Variants in ST8SIA6 observed in about 807,000 individuals in gnomAD.
The protein encoded by ST8SIA6 is ST8 alpha-N-acetyl-neuraminide alpha-2,8-sialyltransferase 6.
A neutral mutation model predicts 33.6 loss-of-function variants in ST8SIA6; 39 were observed. The ratio of observed to expected loss-of-function variants is 1.16; its 90% confidence interval spans 0.90 to 1.52. The LOEUF (loss-of-function observed/expected upper bound fraction) is 1.52, where lower values mean the gene tolerates loss of function less well. ST8SIA6 is among the 40% of genes most tolerant of loss of function. The pLI is 0.00. For missense variants in ST8SIA6, 441 were observed against 443.8 expected (o/e 0.99, Z 0.06); for synonymous variants, 172 against 167.2 (o/e 1.03, Z -0.22).
At chr10:17,448,622 G>A (rs574183010) in intron 2 of ST8SIA6, among the ~76,000 whole-genome samples, 1 of 149,764 alleles carries the variant, frequency 6.7e-6, no homozygotes, top group Non-Finnish European at 1.5e-5. Context: ...TGTTGTTGTT[G>A]TTGTTGTTTT....
In ST8SIA6 at chr10:17,316,078, G is replaced by A. The variant is rs1847766454; in HGVS notation, c.*4800C>T. ...ATGTAGTAGTAAGAATATCATATGTGAGTATAAGAATATATATGTCAAAGG... is the reference window on the plus strand; with the variant it reads ...ATGTAGTAGTAAGAATATCATATGTAAGTATAAGAATATATATGTCAAAGG... On this transcript the variant is annotated 3_prime_UTR_variant, in exon 8 of 8. Transcript: ENST00000377602. Among the ~76,000 whole-genome samples, 1 of 151,922 alleles carries A rather than the reference G, an allele frequency of 6.6e-6. No individual in the cohort carries two copies.
intron 2 of ST8SIA6, among the ~76,000 whole-genome samples, chr10:17,415,055 C>T (rs149999254): frequency 9.2e-5 from 14 of 152,186 alleles, no homozygotes; most frequent in Middle Eastern, 3.4e-3. Context: ...CACACAAACA[C>T]GCTCCTCCCT....
intron 3 of ST8SIA6, among the ~76,000 whole-genome samples, chr10:17,380,095 G>A (rs1384365906): frequency 1.3e-5 from 2 of 152,100 alleles, no homozygotes; most frequent in African/African-American, 4.8e-5. Flanking sequence ...CTTTTTGGGG[G>A]GACTTTACTT....
rs1188683118 is a variant in ST8SIA6, at chr10:17,318,660, TCA to T, written c.*2216_*2217del. ...ATTACATACAGATTTCTTGGGAGTGTCACAGTCAGACTTGGTTGTGGCGAATC... is the reference window on the plus strand; with the variant it reads ...ATTACATACAGATTTCTTGGGAGTGTCAGTCAGACTTGGTTGTGGCGAATC... On this transcript the variant is annotated 3_prime_UTR_variant, in exon 8 of 8. Coordinates refer to ENST00000377602, the MANE Select transcript of ST8SIA6 (RefSeq NM_001004470.3). The T allele has an allele frequency of 2.1e-6, 1 of 470,780 alleles. No individual in the cohort carries two copies. Among genetic ancestry groups the T allele is most frequent in the Admixed American group, 2.4e-5 (1 of 42,452 alleles). The allele number at this position is 470,780 out of a possible 1,614,324, so 29.2% of individuals were successfully genotyped here.
chr10:17,332,367 A>G (rs1848328750), intron 4 of ST8SIA6, among the ~76,000 whole-genome samples: 1 of 152,226 alleles, frequency 6.6e-6, no homozygotes, highest in Non-Finnish European at 1.5e-5. Context: ...AGGAATAATC[A>G]TACTGTCTTC....
chr10:17,363,251 A>G (rs1447877576), intron 3 of ST8SIA6, among the ~76,000 whole-genome samples: 2 of 151,844 alleles, frequency 1.3e-5, no homozygotes, highest in Non-Finnish European at 2.9e-5. Flanking sequence ...CAATCCAGTA[A>G]TCCAATTCAG....
At chr10:17,381,225 TTGC>T (rs1386363940) in intron 3 of ST8SIA6, among the ~76,000 whole-genome samples, 1 of 152,152 alleles carries the variant, frequency 6.6e-6, no homozygotes, top group African/African-American at 2.4e-5. Flanking sequence ...GATGTAAATT[TTGC>T]TATTTGATTT....
Position 17,331,411 on chromosome 10 carries a change from T to G in ST8SIA6, c.519A>C (p.Pro173=). The part of the protein sequence containing the change: ...PIKKNIFHMF[P]VSQPFVDYPY... ...CCCACCAGAAACCTTTACTCACCAC[T>G]GGAAACATATGAAAAATGTTCTTCT... The change falls in exon 5 of 8, where the codon CCA becomes CCC. Residue 173 remains proline, a synonymous_variant. Transcript: ENST00000377602. The G allele has an allele frequency of 6.2e-7, 1 of 1,612,480 alleles. No homozygotes were observed. The highest frequency in any genetic ancestry group is 8.5e-7 in the Non-Finnish European group (1 of 1,179,500).
intron 2 of ST8SIA6, among the ~76,000 whole-genome samples, chr10:17,398,161 TA>T (rs1378559640): frequency 6.6e-6 from 1 of 152,052 alleles, no homozygotes; most frequent in Non-Finnish European, 1.5e-5. Context: ...ACCCCGTCTC[TA>T]CTAAAAATAC....
At chr10:17,337,286 A>G (rs1848536517) in intron 4 of ST8SIA6, among the ~76,000 whole-genome samples, 1 of 152,160 alleles carries the variant, frequency 6.6e-6, no homozygotes, top group South Asian at 2.1e-4. Flanking sequence ...TCTTTTCCTT[A>G]TAAATTACCC....
intron 2 of ST8SIA6, among the ~76,000 whole-genome samples, chr10:17,393,374 TCTGA>T (rs558688838): frequency 8.2e-4 from 125 of 152,350 alleles, no homozygotes; most frequent in African/African-American, 2.9e-3. Context: ...TCTAGAGAAC[TCTGA>T]CTAATACAGG....
At chr10:17,356,190 T>G (rs1002042462) in intron 4 of ST8SIA6, among the ~76,000 whole-genome samples, 6 of 152,150 alleles carry the variant, frequency 3.9e-5, no homozygotes, top group African/African-American at 1.4e-4. Flanking sequence ...TATTTTTTTT[T>G]GTTGAGGCCC....
intron 2 of ST8SIA6, among the ~76,000 whole-genome samples, chr10:17,447,838 A>T (rs1852776062): frequency 6.6e-6 from 1 of 152,164 alleles, no homozygotes; most frequent in African/African-American, 2.4e-5. Context: ...TTTTTGAGAT[A>T]GAGTCTCACT....
rs190758185 is a variant in ST8SIA6, at chr10:17,316,966, C to A, written c.*3912G>T. ...TTCATTTTAATACAGTCATAGCCAT[C>A]CTTTCTTAACCCAACTATTTAAAAA... On this transcript the variant is annotated 3_prime_UTR_variant, in exon 8 of 8. Coordinates refer to ENST00000377602, the MANE Select transcript of ST8SIA6 (RefSeq NM_001004470.3). Among the ~76,000 whole-genome samples, 18 of 152,256 alleles carry A rather than the reference C, an allele frequency of 1.2e-4. No individual in the cohort carries two copies. In the East Asian group the frequency reaches 3.3e-3, roughly 28 times the overall value.
chr10:17,429,309 C>T (rs1052279018), intron 2 of ST8SIA6, among the ~76,000 whole-genome samples: 4 of 152,004 alleles, frequency 2.6e-5, no homozygotes, highest in African/African-American at 9.7e-5. Context: ...CCTTTTATTT[C>T]TATTTTTCTT....
chr10:17,424,293 G>C (rs1322050919), intron 2 of ST8SIA6, among the ~76,000 whole-genome samples: 3 of 151,990 alleles, frequency 2.0e-5, no homozygotes, highest in Non-Finnish European at 4.4e-5. Context: ...TAGTAGGACT[G>C]AGGTTTCCAC....
chr10:17,327,176 C>A, intron 5 of ST8SIA6, 50 bp from the exon 6 acceptor site: 3 of 1,359,028 alleles, frequency 2.2e-6, no homozygotes, highest in African/African-American at 1.5e-5. Context: ...AATTTTAGAA[C>A]CATAGACAAC....
intron 4 of ST8SIA6, among the ~76,000 whole-genome samples, chr10:17,351,213 A>G (rs1220073836): frequency 6.6e-6 from 1 of 151,868 alleles, no homozygotes; most frequent in Non-Finnish European, 1.5e-5. Context: ...TATCCTGCAC[A>G]AGTCTACTGC....
At chr10:17,391,854 A>C (rs1216581403) in intron 2 of ST8SIA6, among the ~76,000 whole-genome samples, 2 of 152,212 alleles carry the variant, frequency 1.3e-5, no homozygotes, top group Non-Finnish European at 2.9e-5. Flanking sequence ...TTCTAAATCA[A>C]GGATAATTGT....
Sources: allele counts gnomAD v4.1 joint callset (sites outside exome capture counted in the v4.1 genomes callset), GRCh38; gene constraint gnomAD v4.1.1; transcripts MANE v1.5; gene names NCBI Gene and HGNC (gene_info 2026-07-23, HGNC 2026-07-21).